AUTS2: variants seen among roughly 807,000 people sequenced by gnomAD.
AUTS2 encodes the protein activator of transcription and developmental regulator AUTS2, also known as autism susceptibility gene 2 protein.
AUTS2 carries 17 observed loss-of-function variants against 112.4 expected under a neutral mutation model. The ratio of observed to expected loss-of-function variants is 0.15; its 90% CI spans 0.10 to 0.23. AUTS2 has a LOEUF of 0.23. Ranked by LOEUF, AUTS2 falls within the 10% of genes least tolerant of loss-of-function variation. AUTS2 has a pLI of 1.00. For missense variants in AUTS2, 1,510 were observed against 1,701.6 expected (o/e 0.89, Z 1.98); for synonymous variants, 751 against 702.7 (o/e 1.07, Z -1.09).
chr7:70,148,583 G>T (rs1248322350), intron 4 of AUTS2, among the ~76,000 whole-genome samples: 1 of 151,690 alleles, frequency 6.6e-6, no homozygotes, highest in African/African-American at 2.4e-5. Context: ...GTACCCAAGA[G>T]TCTATTCTTT....
intron 2 of AUTS2, among the ~76,000 whole-genome samples, chr7:69,963,540 G>A (rs772794735): frequency 3.3e-5 from 5 of 152,140 alleles, no homozygotes; most frequent in Non-Finnish European, 4.4e-5. Context: ...TTCTATAAGT[G>A]TCTTTAGCTG....
intron 6 of AUTS2, among the ~76,000 whole-genome samples, chr7:70,739,964 C>T (rs956283972): frequency 3.3e-5 from 5 of 152,132 alleles, no homozygotes; most frequent in Non-Finnish European, 5.9e-5. Flanking sequence ...CCTCCTGGCT[C>T]CCCTCCCCTC....
chr7:70,096,868 A>T (rs1281288887), intron 2 of AUTS2, among the ~76,000 whole-genome samples: 2 of 152,170 alleles, frequency 1.3e-5, no homozygotes, highest in African/African-American at 4.8e-5. Context: ...GTAGAAATTA[A>T]GTTATTCTAG....
At chr7:70,493,799 T>C (rs1798343545) in intron 5 of AUTS2, among the ~76,000 whole-genome samples, 1 of 152,106 alleles carries the variant, frequency 6.6e-6, no homozygotes, top group African/African-American at 2.4e-5. Flanking sequence ...CTAATTCCTT[T>C]CAAAAAAGAT....
intron 4 of AUTS2, among the ~76,000 whole-genome samples, chr7:70,387,456 C>T (rs1182103291): frequency 1.3e-5 from 2 of 152,130 alleles, no homozygotes; most frequent in African/African-American, 2.4e-5. Context: ...TATGGGTGCC[C>T]ACTCTTTTAT....
chr7:70,777,463 G>A (rs1467122792), intron 14 of AUTS2, among the ~76,000 whole-genome samples: 1 of 151,834 alleles, frequency 6.6e-6, no homozygotes, highest in African/African-American at 2.4e-5. Flanking sequence ...CAAGCAGCTG[G>A]GACTTTAGGC....
At chr7:70,736,172 C>T (rs1336886807) in intron 6 of AUTS2, among the ~76,000 whole-genome samples, 4 of 151,546 alleles carry the variant, frequency 2.6e-5, no homozygotes, top group Non-Finnish European at 5.9e-5. Context: ...CTTCACAAAT[C>T]AAAGGGGAAT....
intron 4 of AUTS2, among the ~76,000 whole-genome samples, chr7:70,368,342 A>G (rs763002017): frequency 6.6e-6 from 1 of 152,210 alleles, no homozygotes; most frequent in African/African-American, 2.4e-5. Context: ...AGAGAGGGAA[A>G]GGATGATGCC....
At chr7:70,521,333 G>A (rs1167708538) in intron 5 of AUTS2, among the ~76,000 whole-genome samples, 1 of 152,182 alleles carries the variant, frequency 6.6e-6, no homozygotes, top group Non-Finnish European at 1.5e-5. Context: ...GAAAGCAGGA[G>A]TTGCATCTTG....
chr7:69,853,687 A>C (rs534189087), intron 1 of AUTS2, among the ~76,000 whole-genome samples: 1 of 152,252 alleles, frequency 6.6e-6, no homozygotes, highest in African/African-American at 2.4e-5. Flanking sequence ...GGTCCCTAGC[A>C]GTTCTGCCTG....
At chr7:70,666,052 G>C (rs1335154574) in intron 5 of AUTS2, among the ~76,000 whole-genome samples, 1 of 152,108 alleles carries the variant, frequency 6.6e-6, no homozygotes, top group Admixed American at 6.5e-5. Context: ...ATGATAAGGT[G>C]CCGTGACAGA....
At chr7:70,185,615 A>T (rs1809560667) in intron 4 of AUTS2, among the ~76,000 whole-genome samples, 2 of 152,156 alleles carry the variant, frequency 1.3e-5, no homozygotes, top group South Asian at 4.1e-4. Context: ...GCTATTTAGG[A>T]TCGAAAATCA....
intron 15 of AUTS2, chr7:70,782,372 C>T (rs1438677999): frequency 6.6e-6 from 1 of 152,162 alleles, no homozygotes; most frequent in Non-Finnish European, 1.5e-5. Flanking sequence ...ACCTGCTCAT[C>T]GGATCTGTAA....
intron 1 of AUTS2, among the ~76,000 whole-genome samples, chr7:69,895,447 C>A (rs1794700876): frequency 6.6e-6 from 1 of 151,830 alleles, no homozygotes; most frequent in Non-Finnish European, 1.5e-5. Context: ...AAAATATAAA[C>A]CTGTTACATA....
At chr7:69,832,397 C>T (rs1315487805) in intron 1 of AUTS2, among the ~76,000 whole-genome samples, 1 of 152,086 alleles carries the variant, frequency 6.6e-6, no homozygotes, top group Non-Finnish European at 1.5e-5. Context: ...GTTGCAGTTG[C>T]TCTATACATG....
At chr7:70,733,194 A>C (rs553380553) in intron 6 of AUTS2, among the ~76,000 whole-genome samples, 6 of 152,324 alleles carry the variant, frequency 3.9e-5, no homozygotes, top group African/African-American at 1.4e-4. Context: ...AAGGGGATGG[A>C]GGAAAATCTC....
intron 5 of AUTS2, among the ~76,000 whole-genome samples, chr7:70,488,836 A>G (rs947693419): frequency 2.0e-5 from 3 of 151,862 alleles, no homozygotes; most frequent in African/African-American, 7.3e-5. Flanking sequence ...GGCTCTTAGA[A>G]CCCTTTCCCA....
At chr7:69,974,497 C>G (rs1217836908) in intron 2 of AUTS2, among the ~76,000 whole-genome samples, 2 of 151,888 alleles carry the variant, frequency 1.3e-5, no homozygotes, top group Non-Finnish European at 2.9e-5. Context: ...GTAGTTCAGT[C>G]TGACTCTGAA....
intron 5 of AUTS2, among the ~76,000 whole-genome samples, chr7:70,537,599 C>T (rs774342677): frequency 8.1e-4 from 124 of 152,250 alleles, no homozygotes; most frequent in Non-Finnish European, 1.4e-3. Context: ...CCTGTTGCTA[C>T]GATAGGAGCG....
Sources: allele counts gnomAD v4.1 joint callset (sites outside exome capture counted in the v4.1 genomes callset), GRCh38; gene constraint gnomAD v4.1.1; transcripts MANE v1.5; gene names NCBI Gene and HGNC (gene_info 2026-07-23, HGNC 2026-07-21).